Variants in WDR7 observed in about 807,000 individuals in gnomAD.
WDR7 encodes the protein WD repeat domain 7.
A neutral mutation model predicts 169.4 loss-of-function variants in WDR7; 46 were observed. That is an observed-to-expected ratio of 0.27 (90% confidence interval 0.21 to 0.35). The LOEUF (loss-of-function observed/expected upper bound fraction) is 0.35, where lower values mean the gene tolerates loss of function less well. Ranked by LOEUF, WDR7 falls within the 10% of genes least tolerant of loss-of-function variation. WDR7 has a pLI of 1.00. For synonymous variants in WDR7, 612 were observed against 666.8 expected (o/e 0.92, Z 1.27); for missense variants, 1,534 against 1,859.3 (o/e 0.83, Z 3.22).
chr18:56,894,098 T>G lies in WDR7; in HGVS notation c.3526+13933T>G, dbSNP rs1447183303. ...ATCTAATCTATCAAGTATATCTTAT[T>G]GGGTCTACTTGAAAATATATCCCAA... On this transcript the variant is annotated intron_variant, in intron 21 of 27. Coordinates refer to ENST00000254442, the MANE Select transcript of WDR7 (RefSeq NM_015285.3). 2.0e-5 allele frequency among the ~76,000 whole-genome samples: 3 copies of G among 152,072 alleles called. No homozygotes were observed. The South Asian group carries it at 6.2e-4, about 32-fold the overall frequency.
chr18:56,971,100 C>T (rs902700828), intron 26 of WDR7, among the ~76,000 whole-genome samples: 1 of 152,032 alleles, frequency 6.6e-6, no homozygotes, highest in Non-Finnish European at 1.5e-5. Context: ...GGTGAAACCC[C>T]ATCTCTACTA....
chr18:56,695,299 G>T, intron 11 of WDR7, 101 bp downstream of exon 11: 2 of 1,441,774 alleles, frequency 1.4e-6, no homozygotes, highest in Non-Finnish European at 1.9e-6. Context: ...CAGTGAATCA[G>T]TGTAGTTAGT....
intron 17 of WDR7, among the ~76,000 whole-genome samples, chr18:56,777,488 T>G (rs2044258164): frequency 6.6e-6 from 1 of 152,188 alleles, no homozygotes; most frequent in Non-Finnish European, 1.5e-5. Context: ...GTCGAAAGTA[T>G]TTTTGGAGCC....
In WDR7 at chr18:56,694,629, G is replaced by T. The variant is rs768997400; in HGVS notation, c.977G>T (p.Cys326Phe). 3.7e-6 allele frequency: 6 copies of T among 1,607,106 alleles called. No homozygotes were observed. Among genetic ancestry groups the T allele is most frequent in the Non-Finnish European group, 5.1e-6 (6 of 1,176,666 alleles). ...TACTTTTTTTGGCAGTTGCTAATTT[G>T]TCCTCCTGTTACTCGGTTCTTCTAT... is the stretch of plus-strand genomic sequence containing the variant. ...LDRKDKELLI[C>F]PPVTRFFYGC... Residue 326 changes from cysteine (C) to phenylalanine (F), a missense_variant, in exon 10 of 28, where the codon TGT becomes TTT. Cys to Phe is a radical substitution (Grantham distance 205, BLOSUM62 -2). Transcript: ENST00000254442.
chr18:56,763,163 G>T (rs568692415), intron 16 of WDR7, among the ~76,000 whole-genome samples: 54 of 152,172 alleles, frequency 3.5e-4, no homozygotes, highest in Middle Eastern at 3.4e-3. Context: ...GTTTCACCGT[G>T]TTAGCCAGGA....
chr18:57,026,319 G>A (rs760249304), intron 27 of WDR7, among the ~76,000 whole-genome samples: 10 of 152,190 alleles, frequency 6.6e-5, no homozygotes, highest in Non-Finnish European at 1.3e-4. Context: ...TGATAAAAAG[G>A]TATTGTCAAT....
intron 26 of WDR7, among the ~76,000 whole-genome samples, chr18:57,005,507 G>A (rs2048042869): frequency 6.6e-6 from 1 of 152,088 alleles, no homozygotes; most frequent in Non-Finnish European, 1.5e-5. Flanking sequence ...AGATTTCAAA[G>A]ACAAGCTAAT....
At chr18:56,983,238 T>C (rs1478996843) in intron 26 of WDR7, among the ~76,000 whole-genome samples, 2 of 152,196 alleles carry the variant, frequency 1.3e-5, no homozygotes, top group African/African-American at 2.4e-5. Context: ...AATGAAAAGG[T>C]TCCTATTTTT....
chr18:56,984,052 T>C (rs1438426919), intron 26 of WDR7, among the ~76,000 whole-genome samples: 1 of 152,134 alleles, frequency 6.6e-6, no homozygotes, highest in Non-Finnish European at 1.5e-5. Context: ...TTAAAGATAC[T>C]ATTTTATCCG....
chr18:56,794,516 A>G lies in WDR7; in HGVS notation c.3190+12860A>G, dbSNP rs141956174. Among the ~76,000 whole-genome samples, 49 of 151,726 alleles carry G rather than the reference A, an allele frequency of 3.2e-4. 1 individual carries two copies. The East Asian group carries it at 7.8e-3, about 24-fold the overall frequency. ...AGTAGAGAAGGGGTTTCATTGTGCTAACAAGGATGGTCTCGATCTCCTGAC... is the reference window on the plus strand; with the variant it reads ...AGTAGAGAAGGGGTTTCATTGTGCTGACAAGGATGGTCTCGATCTCCTGAC... On this transcript the variant is annotated intron_variant, in intron 19 of 27. Transcript: ENST00000254442.
intron 25 of WDR7, among the ~76,000 whole-genome samples, chr18:56,953,986 A>G (rs988684879): frequency 3.9e-5 from 6 of 152,248 alleles, no homozygotes; most frequent in African/African-American, 1.4e-4. Flanking sequence ...GAAATTCTCA[A>G]GCACTATGTG....
At chr18:56,733,953 G>T (rs2026640961) in intron 14 of WDR7, among the ~76,000 whole-genome samples, 3 of 152,104 alleles carry the variant, frequency 2.0e-5, no homozygotes, top group Admixed American at 2.0e-4. Flanking sequence ...TGTTGAATTG[G>T]ATGATGTGGA....
chr18:56,781,678 T>C, intron 19 of WDR7, 22 bp downstream of exon 19: 6 of 1,553,812 alleles, frequency 3.9e-6, no homozygotes, highest in Non-Finnish European at 5.2e-6. Context: ...CATGCTTCTC[T>C]ACAAAGCTTT....
At chr18:56,869,540 T>C (rs2289142) in intron 20 of WDR7, among the ~76,000 whole-genome samples, 14,852 of 152,176 alleles carry the variant, frequency 0.098, 1,877 homozygotes, top group African/African-American at 0.29. Context: ...TGTCACAAAG[T>C]AACTCAAATA....
intron 1 of WDR7, among the ~76,000 whole-genome samples, chr18:56,661,391 G>A (rs2024901618): frequency 6.6e-6 from 1 of 152,170 alleles, no homozygotes; most frequent in Non-Finnish European, 1.5e-5. Flanking sequence ...ATCACCTGCA[G>A]AAATTTAAAA....
chr18:56,982,703 A>C (rs909728660), intron 26 of WDR7, among the ~76,000 whole-genome samples: 2 of 152,222 alleles, frequency 1.3e-5, no homozygotes, highest in Admixed American at 6.5e-5. Flanking sequence ...CAAAGCCTCT[A>C]AACACAATTA....
In WDR7 at chr18:56,938,672, T is replaced by G; in HGVS notation, c.3971T>G (p.Leu1324Arg). The G allele has an allele frequency of 6.2e-7, 1 of 1,613,662 alleles. No individual in the cohort carries two copies. The highest frequency in any genetic ancestry group is 8.5e-7 in the Non-Finnish European group (1 of 1,179,794). ...IEKMPTDVVD[L>R]LVEVMDIIMY... ...AAGATGCCCACAGATGTTGTGGATC[T>G]TCTCGTGGAGGTAAGAATATCCTGT... The change falls in exon 24 of 28, where the codon CTT (leucine) becomes CGT (arginine). Residue 1324 changes from leucine to arginine, a missense_variant. Leu to Arg is a moderately radical substitution (Grantham distance 102). Coordinates refer to ENST00000254442, the MANE Select transcript of WDR7 (RefSeq NM_015285.3).
intron 25 of WDR7, among the ~76,000 whole-genome samples, chr18:56,949,559 G>C (rs2047152252): frequency 6.6e-6 from 1 of 152,214 alleles, no homozygotes; most frequent in South Asian, 2.1e-4. Flanking sequence ...TGCTTGCGCA[G>C]ACGTGTAGTT....
At chr18:56,936,571 T>G (rs926615092) in intron 23 of WDR7, among the ~76,000 whole-genome samples, 2 of 152,182 alleles carry the variant, frequency 1.3e-5, no homozygotes, top group Non-Finnish European at 2.9e-5. Context: ...GGGTATGGGC[T>G]CTGTCTGAGT....
Sources: allele counts gnomAD v4.1 joint callset (sites outside exome capture counted in the v4.1 genomes callset), GRCh38; gene constraint gnomAD v4.1.1; transcripts MANE v1.5; gene names NCBI Gene and HGNC (gene_info 2026-07-23, HGNC 2026-07-21).